Variants in CAMK2D observed in about 807,000 individuals in gnomAD.
CAMK2D encodes calcium/calmodulin dependent protein kinase II delta.
CAMK2D carries 37 observed loss-of-function variants against 84.0 expected under a neutral mutation model. The observed-to-expected ratio is 0.44, with a 90% confidence interval of 0.34 to 0.58. The LOEUF is 0.58. Among genes scored for constraint, CAMK2D ranks in the 20% least tolerant of loss-of-function variants. CAMK2D has a pLI of 0.02. For missense variants in CAMK2D, 448 were observed against 652.5 expected, an observed-to-expected ratio of 0.69 and a Z score of 3.41; for synonymous variants, 202 against 212.5, an observed-to-expected ratio of 0.95 and a Z score of 0.43.
chr4:113,663,820 G>A (rs2099246800), intron 2 of CAMK2D, among the ~76,000 whole-genome samples: 1 of 150,174 alleles, frequency 6.7e-6, no homozygotes, highest in African/African-American at 2.5e-5. Flanking sequence ...TTTTGCTATA[G>A]AGATAAACAT....
chr4:113,622,823 C>T (rs976053872), intron 3 of CAMK2D, among the ~76,000 whole-genome samples: 2 of 152,118 alleles, frequency 1.3e-5, no homozygotes, highest in African/African-American at 4.8e-5. Context: ...GAACACATGT[C>T]CATTGAATGA....
chr4:113,617,271 C>G (rs1422600563), intron 3 of CAMK2D, among the ~76,000 whole-genome samples: 1 of 151,906 alleles, frequency 6.6e-6, no homozygotes, highest in East Asian at 1.9e-4. Context: ...AGTTTGAGAC[C>G]AGCCTGGGCA....
In CAMK2D at chr4:113,471,483, T is replaced by A. The variant is rs964108234; in HGVS notation, c.1136-5879A>T. On this transcript the variant is annotated intron_variant, in intron 16 of 20. Coordinates refer to ENST00000511664, the MANE Select transcript of CAMK2D (RefSeq NM_001321571.2). ...AGGGTGCCCAAAATGAACCTCAGTA[T>A]TTTTCTCACAAAGTCTGATGCCTCT... is the stretch of plus-strand genomic sequence containing the variant. 2.6e-5 allele frequency among the ~76,000 whole-genome samples: 4 copies of A among 152,150 alleles called. No homozygotes were observed. The East Asian group carries it at 7.7e-4, about 29-fold the overall frequency.
intron 8 of CAMK2D, among the ~76,000 whole-genome samples, chr4:113,522,751 T>A (rs1179146074): frequency 2.0e-5 from 3 of 152,242 alleles, no homozygotes; most frequent in African/African-American, 7.2e-5. Context: ...AAGAAACTGA[T>A]AGTTTTTATA....
chr4:113,615,141 T>C (rs2099016082), intron 3 of CAMK2D, among the ~76,000 whole-genome samples: 1 of 152,138 alleles, frequency 6.6e-6, no homozygotes, highest in African/African-American at 2.4e-5. Context: ...AGATCCTTTT[T>C]ATATTCCCAT....
intron 3 of CAMK2D, among the ~76,000 whole-genome samples, chr4:113,648,291 G>T (rs1313510162): frequency 1.3e-5 from 2 of 152,162 alleles, no homozygotes; most frequent in Non-Finnish European, 2.9e-5. Context: ...CAGAATGAAA[G>T]TAATCTAAGA....
chr4:113,542,701 C>G (rs1432299272), intron 6 of CAMK2D, among the ~76,000 whole-genome samples: 1 of 146,262 alleles, frequency 6.8e-6, no homozygotes, highest in African/African-American at 2.6e-5. Flanking sequence ...GGCAACAGAG[C>G]GAGATTCCGT....
intron 4 of CAMK2D, among the ~76,000 whole-genome samples, chr4:113,591,012 T>G (rs1182804879): frequency 1.3e-5 from 2 of 152,212 alleles, no homozygotes; most frequent in Non-Finnish European, 1.5e-5. Flanking sequence ...AGATGTTTGT[T>G]GAGTGCCTGG....
At chr4:113,552,145 T>A (rs1313224367) in intron 4 of CAMK2D, 49 bp from the exon 5 acceptor site, 1 of 995,776 alleles carries the variant, frequency 1.0e-6, no homozygotes, top group Non-Finnish European at 1.6e-6. Flanking sequence ...CAAAAAAAAA[T>A]AAGCATCAAT....
At chr4:113,673,567 ATT>A (rs1561752427) in intron 2 of CAMK2D, among the ~76,000 whole-genome samples, 2 of 152,208 alleles carry the variant, frequency 1.3e-5, no homozygotes, top group African/African-American at 2.4e-5. Flanking sequence ...CCCTAAGAGG[ATT>A]TATCCGAAGA....
chr4:113,573,345 C>T (rs149999527), intron 4 of CAMK2D, among the ~76,000 whole-genome samples: 127 of 152,270 alleles, frequency 8.3e-4, no homozygotes, highest in Non-Finnish European at 1.5e-3. Flanking sequence ...TAAAAATTAA[C>T]TTATTCAGAA....
At chr4:113,591,225 T>C (rs1401077098) in intron 4 of CAMK2D, among the ~76,000 whole-genome samples, 1 of 152,134 alleles carries the variant, frequency 6.6e-6, no homozygotes, top group African/African-American at 2.4e-5. Context: ...CTGAGTCTGC[T>C]AAATGTCTAT....
chr4:113,515,094 T>C lies in CAMK2D; in HGVS notation c.794A>G (p.Glu265Gly), dbSNP rs954113235. Residue 265 changes from glutamate to glycine, a missense_variant, in exon 10 of 21, where the codon GAG (glutamate) becomes GGG (glycine). Glu to Gly is a moderately conservative substitution (Grantham distance 98). This residue lies in a region of CAMK2D where 69 missense variants were observed against 175.6 expected (regional missense o/e 0.39). Transcript: ENST00000511664. ...INPAKRITAS[E>G]ALKHPWICQR... The stretch of plus-strand genomic sequence containing the variant: ...ACAGATCCATGGGTGCTTCAGTGCC[T>C]CTGAGGCTGTGATGCGTTTGGCAGG... 2 of 1,613,480 alleles carry C rather than the reference T, an allele frequency of 1.2e-6. No homozygotes were observed. The highest frequency in any genetic ancestry group is 1.7e-6 in the Non-Finnish European group (2 of 1,179,574).
At chr4:113,755,935 G>A (rs1256701706) in intron 2 of CAMK2D, among the ~76,000 whole-genome samples, 2 of 151,922 alleles carry the variant, frequency 1.3e-5, no homozygotes, top group Non-Finnish European at 2.9e-5. Flanking sequence ...CTTTTTAGAA[G>A]ATAGAAATTA....
intron 2 of CAMK2D, among the ~76,000 whole-genome samples, chr4:113,730,897 CA>C (rs981722923): frequency 6.6e-6 from 1 of 152,186 alleles, no homozygotes; most frequent in African/African-American, 2.4e-5. Context: ...CATCTTTTCT[CA>C]CCAACTTATA....
chr4:113,739,062 T>C (rs750792601), intron 2 of CAMK2D, among the ~76,000 whole-genome samples: 13 of 152,172 alleles, frequency 8.5e-5, no homozygotes, highest in East Asian at 1.9e-4. Flanking sequence ...ACAGTGTAAA[T>C]GGAAATACTT....
At chr4:113,682,820 T>C (rs774896592) in intron 2 of CAMK2D, among the ~76,000 whole-genome samples, 6 of 152,330 alleles carry the variant, frequency 3.9e-5, no homozygotes, top group Non-Finnish European at 5.9e-5. Context: ...TATTCCTCAA[T>C]TGAAGTCAAA....
rs940478247 is a variant in CAMK2D, at chr4:113,761,647, G to T, written c.-579C>A. ...CGCCCGAGGCCGGCTTCCCTCCGGC[G>T]GGCGGCAGCGGCTCCGGCGAAGCGA... is the stretch of plus-strand genomic sequence containing the variant. On this transcript the variant is annotated 5_prime_UTR_variant, in exon 1 of 21. Transcript: ENST00000511664. 9.1e-6 allele frequency: 9 copies of T among 985,088 alleles called. No individual in the cohort carries two copies. Among genetic ancestry groups the T allele is most frequent in the Non-Finnish European group, 1.1e-5 (9 of 829,796 alleles). 61.0% of individuals were successfully genotyped at this position (985,088 alleles called of 1,614,324 possible).
intron 7 of CAMK2D, among the ~76,000 whole-genome samples, chr4:113,532,760 C>T (rs1206236545): frequency 1.3e-5 from 2 of 152,280 alleles, no homozygotes; most frequent in South Asian, 4.1e-4. Flanking sequence ...TGATTTCATT[C>T]TCCTTCTGAG....
Sources: allele counts gnomAD v4.1 joint callset (sites outside exome capture counted in the v4.1 genomes callset), GRCh38; gene constraint gnomAD v4.1.1; regional missense constraint gnomAD v4.1.1; transcripts MANE v1.5; gene names NCBI Gene and HGNC (gene_info 2026-07-23, HGNC 2026-07-21).